The following WNK3 variants were observed in gnomAD, a reference collection of about 807,000 sequenced individuals.
WNK3 encodes serine/threonine-protein kinase WNK3.
A neutral mutation model predicts 116.7 loss-of-function variants in WNK3; 18 were observed. The ratio of observed to expected loss-of-function variants is 0.15; its 90% CI spans 0.11 to 0.23. The LOEUF (loss-of-function observed/expected upper bound fraction) is 0.23, where lower values mean the gene tolerates loss of function less well. WNK3 is among the 10% of genes least tolerant of loss of function. The pLI is 1.00. For missense variants in WNK3, 993 were observed against 1,323.8 expected, an observed-to-expected ratio of 0.75 and a Z score of 3.88; for synonymous variants, 404 against 469.4, an observed-to-expected ratio of 0.86 and a Z score of 1.80.
At chrX:54,278,418 TA>T (rs1212437148) in intron 10 of WNK3, among the ~76,000 whole-genome samples, 7 of 99,224 alleles carry the variant, frequency 7.1e-5, no homozygotes, top group South Asian at 4.3e-4. Flanking sequence ...CCAGAAGAGC[TA>T]AAAAAAAAAA....
chrX:54,352,318 T>C (rs2069527304), intron 1 of WNK3, among the ~76,000 whole-genome samples: 1 of 111,710 alleles, frequency 9.0e-6, no homozygotes, highest in Admixed American at 9.6e-5. Context: ...CCCTCATACA[T>C]GGCTGATGGC....
At chrX:54,212,150 C>A (rs940577683) in intron 22 of WNK3, among the ~76,000 whole-genome samples, 1 of 111,758 alleles carries the variant, frequency 8.9e-6, no homozygotes, top group Non-Finnish European at 1.9e-5. Flanking sequence ...GTCGTGAAAC[C>A]GGGAGGCAGA....
chrX:54,308,196 T>A, intron 4 of WNK3, 117 bp from the exon 5 acceptor site: 2 of 674,737 alleles, frequency 3.0e-6, no homozygotes, highest in Non-Finnish European at 4.2e-6. Flanking sequence ...AAAGCAAATT[T>A]CTTTTTTTTT....
At chrX:54,280,720 A>T (rs782501200) in intron 10 of WNK3, among the ~76,000 whole-genome samples, 20 of 111,506 alleles carry the variant, frequency 1.8e-4, no homozygotes, top group African/African-American at 6.5e-4. Flanking sequence ...TATAAGTGGG[A>T]GCTAAACACT....
chrX:54,301,837 T>C lies in WNK3; in HGVS notation c.1112A>G (p.Asn371Ser). ...TTTGACTTCAGGATCAGTGACTTTA[T>C]TGAAGCTGGCTGGTTTTATGCCCTA... is the stretch of plus-strand genomic sequence containing the variant. The change falls in exon 6 of 24, where the codon AAT (asparagine) becomes AGT (serine). Residue 371 changes from asparagine to serine, a missense_variant. This residue lies in a region of WNK3 where 37 missense variants were observed against 86.9 expected (regional missense o/e 0.43). Transcript: ENST00000354646. 1 of 1,210,279 alleles carries C rather than the reference T, an allele frequency of 8.3e-7. No homozygotes were observed. Among genetic ancestry groups the C allele is most frequent in the Non-Finnish European group, 1.1e-6 (1 of 894,698 alleles).
chrX:54,313,525 T>C (rs992404431), intron 2 of WNK3, among the ~76,000 whole-genome samples: 1 of 110,546 alleles, frequency 9.0e-6, no homozygotes, highest in Non-Finnish European at 1.9e-5. Context: ...TAATTTTGTA[T>C]TTTTAGTAGA....
intron 2 of WNK3, among the ~76,000 whole-genome samples, chrX:54,328,698 AT>A (rs2069134073): frequency 1.8e-5 from 2 of 112,324 alleles, no homozygotes; most frequent in African/African-American, 6.5e-5. Flanking sequence ...GAAAATTACA[AT>A]TGTTGTTTTC....
exon 15 of WNK3, chrX:54,251,420 A>G: frequency 8.4e-7 from 1 of 1,184,355 alleles, no homozygotes; most frequent in Non-Finnish European, 1.1e-6. Context: ...GTAGATGTAG[A>G]ATTTATCTGT....
intron 1 of WNK3, among the ~76,000 whole-genome samples, chrX:54,353,016 T>C (rs1354888478): frequency 3.6e-5 from 4 of 111,917 alleles, no homozygotes; most frequent in African/African-American, 9.7e-5. Flanking sequence ...ATATGCAGAA[T>C]AGACAAACAT....
chrX:54,228,070 G>T lies in WNK3; in HGVS notation c.4870+644C>A, dbSNP rs188016214. 4.9e-4 allele frequency among the ~76,000 whole-genome samples: 54 copies of T among 109,789 alleles called. 1 individual carries two copies. In the East Asian group the frequency reaches 6.6e-3, roughly 13 times the overall value. ...CATGCCTGGCTAATTTTATAGAGAT[G>T]GGGTCTCACTTTGTTGCCCAGGCTG... is the stretch of plus-strand genomic sequence containing the variant. On this transcript the variant is annotated intron_variant, in intron 22 of 23. Transcript: ENST00000354646.
At chrX:54,277,631 C>T (rs1185070547) in intron 10 of WNK3, among the ~76,000 whole-genome samples, 3 of 111,066 alleles carry the variant, frequency 2.7e-5, no homozygotes, top group East Asian at 5.7e-4. Context: ...CCAACGCGCC[C>T]GGCCATGATT....
chrX:54,242,228 C>A (rs1202786049), intron 17 of WNK3, among the ~76,000 whole-genome samples: 2 of 111,240 alleles, frequency 1.8e-5, no homozygotes, highest in Non-Finnish European at 3.8e-5. Flanking sequence ...CTTAGGAATA[C>A]ATTTAACCAA....
At chrX:54,352,309 C>A (rs912609516) in intron 1 of WNK3, among the ~76,000 whole-genome samples, 1 of 111,092 alleles carries the variant, frequency 9.0e-6, no homozygotes, top group Non-Finnish European at 1.9e-5. Context: ...GAAATGGAAC[C>A]CTCATACATG....
Position 54,332,913 on chromosome X carries a change from A to AT in WNK3, c.537+223dup, listed in dbSNP as rs782707280. Among the ~76,000 whole-genome samples the AT allele has an allele frequency of 5.0e-4, 54 of 108,830 alleles. 1 individual carries two copies. Among genetic ancestry groups the AT allele is most frequent in the African/African-American group, 3.3e-4 (10 of 30,173 alleles). 94.5% of individuals were successfully genotyped at this position (108,830 alleles called of 115,157 possible). A position where few individuals can be genotyped will look rare whatever the true frequency, so the allele number is the denominator to read the frequency against. Reference sequence around the variant, plus strand: ...AAAAAGAAAAACAAAGCCATGATAGATTTTTTTTTCTTCCCCTTTAAAACA... The same window carrying AT: ...AAAAAGAAAAACAAAGCCATGATAGATTTTTTTTTTCTTCCCCTTTAAAACA... On this transcript the variant is annotated intron_variant, in intron 2 of 23. Coordinates refer to ENST00000354646, the Ensembl canonical transcript of WNK3.
chrX:54,307,876 T>C, intron 5 of WNK3, 46 bp downstream of exon 5: 1 of 1,097,515 alleles, frequency 9.1e-7, no homozygotes, highest in Non-Finnish European at 1.2e-6. Context: ...AATTTCAACA[T>C]GAAACGTGGC....
At position 54,284,624 on chromosome X, in the gene WNK3, G is replaced by C. The variant is rs370604076; in HGVS notation, c.2037+8264C>G. 6.3e-5 allele frequency among the ~76,000 whole-genome samples: 7 copies of C among 111,765 alleles called. No homozygotes were observed. In the East Asian group the frequency reaches 1.7e-3, roughly 27 times the overall value. On this transcript the variant is annotated intron_variant, in intron 10 of 23. Transcript: ENST00000354646. ...CACTTAGGTGTCTGTGAATAGGATAGATAAACAAATTTGGTATATCCATAA... is the reference window on the plus strand; with the variant it reads ...CACTTAGGTGTCTGTGAATAGGATACATAAACAAATTTGGTATATCCATAA...
chrX:54,252,699 A>G (rs2068148553), intron 13 of WNK3, among the ~76,000 whole-genome samples: 1 of 109,617 alleles, frequency 9.1e-6, no homozygotes, highest in Non-Finnish European at 1.9e-5. Context: ...AGCTCGGAAG[A>G]CCACTAATTA....
At chrX:54,306,193 G>A (rs1415799482) in intron 5 of WNK3, among the ~76,000 whole-genome samples, 1 of 111,697 alleles carries the variant, frequency 9.0e-6, no homozygotes, top group Non-Finnish European at 1.9e-5. Flanking sequence ...ACCCTTGTAC[G>A]TTGTTGATGG....
intron 10 of WNK3, among the ~76,000 whole-genome samples, chrX:54,280,033 C>G (rs916598506): frequency 8.9e-6 from 1 of 112,445 alleles, no homozygotes; most frequent in Non-Finnish European, 1.9e-5. Context: ...CGTAGTGGCT[C>G]ACGCCTGTAA....
Sources: allele counts gnomAD v4.1 joint callset (sites outside exome capture counted in the v4.1 genomes callset), GRCh38; gene constraint gnomAD v4.1.1; regional missense constraint gnomAD v4.1.1; transcripts MANE v1.5; gene names NCBI Gene and HGNC (gene_info 2026-07-23, HGNC 2026-07-21).